The following CAPZB variants were observed in gnomAD, a reference collection of about 807,000 sequenced individuals.
The protein encoded by CAPZB is F-actin-capping protein subunit beta.
Under a neutral mutation model 38.1 loss-of-function variants are expected in CAPZB, and 2 were observed. That is an observed-to-expected ratio of 0.05 (90% CI 0.02 to 0.17). The LOEUF (loss-of-function observed/expected upper bound fraction) is 0.17. Ranked by LOEUF, CAPZB falls within the 10% of genes least tolerant of loss-of-function variation. The probability of loss-of-function intolerance (pLI) is 1.00; values close to 1 mark genes in which losing one functional copy is unlikely to be tolerated. For synonymous variants in CAPZB, 107 were observed against 127.4 expected, an observed-to-expected ratio of 0.84 and a Z score of 1.08; for missense variants, 161 against 334.2, an observed-to-expected ratio of 0.48 and a Z score of 4.04.
intron 1 of CAPZB, among the ~76,000 whole-genome samples, chr1:19,450,300 A>G (rs867247120): frequency 2.6e-5 from 4 of 152,154 alleles, no homozygotes; most frequent in African/African-American, 4.8e-5. Context: ...AATTTTTTCC[A>G]ATTTTGAAAT....
chr1:19,438,787 G>A (rs11586303), intron 1 of CAPZB, among the ~76,000 whole-genome samples: 32,787 of 152,192 alleles, frequency 0.22, 4,806 homozygotes, highest in African/African-American at 0.41. Flanking sequence ...GTGCAACGAA[G>A]GCAAGGACAC....
intron 2 of CAPZB, among the ~76,000 whole-genome samples, chr1:19,397,239 T>C (rs1226430990): frequency 6.6e-6 from 1 of 152,234 alleles, no homozygotes; most frequent in African/African-American, 2.4e-5. Flanking sequence ...AGTGAGGACT[T>C]ACTGAACTAT....
chr1:19,365,474 T>C (rs1449779545), intron 4 of CAPZB, among the ~76,000 whole-genome samples: 1 of 152,138 alleles, frequency 6.6e-6, no homozygotes, highest in Admixed American at 6.5e-5. Flanking sequence ...GTGGAGAAAC[T>C]GATGGTCCAC....
chr1:19,468,396 G>A (rs2094575246), intron 1 of CAPZB, among the ~76,000 whole-genome samples: 1 of 152,136 alleles, frequency 6.6e-6, no homozygotes, highest in Non-Finnish European at 1.5e-5. Flanking sequence ...ACTCAACCAA[G>A]CGCCATCCAC....
At chr1:19,403,813 C>A (rs1026427241) in intron 2 of CAPZB, among the ~76,000 whole-genome samples, 22 of 152,316 alleles carry the variant, frequency 1.4e-4, no homozygotes, top group African/African-American at 5.1e-4. Flanking sequence ...AAAAAAGTGA[C>A]CCCGCTTTGG....
At position 19,368,504 on chromosome 1, in the gene CAPZB, A is replaced by G. The variant is rs1316958783; in HGVS notation, c.329+10036T>C. Among the ~76,000 whole-genome samples the G allele has an allele frequency of 2.4e-3, 360 of 151,404 alleles. 1 individual carries two copies. Among genetic ancestry groups the G allele is most frequent in the African/African-American group, 7.4e-3 (306 of 41,336 alleles). ...TCCATTTTTTTTCTTGGAAAAAAAA[A>G]AAAAAAAAAACGGTGGAGAGAGTCC... On this transcript the variant is annotated intron_variant, in intron 4 of 8. Coordinates refer to ENST00000264202, the MANE Select transcript of CAPZB (RefSeq NM_004930.5).
At chr1:19,432,069 A>G (rs1212160695) in intron 1 of CAPZB, among the ~76,000 whole-genome samples, 2 of 151,446 alleles carry the variant, frequency 1.3e-5, no homozygotes, top group Non-Finnish European at 2.9e-5. Context: ...AAAAAAAGAA[A>G]AAAAAAGAAA....
At chr1:19,455,662 G>C (rs888290573) in intron 1 of CAPZB, among the ~76,000 whole-genome samples, 8 of 152,130 alleles carry the variant, frequency 5.3e-5, no homozygotes, top group Non-Finnish European at 1.2e-4. Flanking sequence ...TTTGCATCCT[G>C]CTTGATAAAA....
chr1:19,478,895 A>G (rs2094617153), intron 1 of CAPZB, among the ~76,000 whole-genome samples: 2 of 152,190 alleles, frequency 1.3e-5, no homozygotes, highest in Non-Finnish European at 2.9e-5. Flanking sequence ...GCTGGCTGGA[A>G]TATTAAAAAG....
At chr1:19,409,949 C>T (rs529451853) in intron 2 of CAPZB, among the ~76,000 whole-genome samples, 1 of 152,198 alleles carries the variant, frequency 6.6e-6, no homozygotes, top group African/African-American at 2.4e-5. Flanking sequence ...ATGAGAAATA[C>T]GCAATATGAC....
In CAPZB at chr1:19,339,575, C is replaced by G; in HGVS notation, c.774G>C (p.Leu258=). Residue 258 remains leucine (L), a synonymous_variant, in exon 9 of 9, where the codon CTG becomes CTC. Coordinates refer to ENST00000264202, the MANE Select transcript of CAPZB (RefSeq NM_004930.5). ...TCAAAGCCTCCACCAGGTCATTCTT[C>G]AGAGCTTCTTGTTTTGATTTGTCTG... ...TFADKSKQEA[L]KNDLVEALKR... 1 of 1,614,186 alleles carries G rather than the reference C, an allele frequency of 6.2e-7. No homozygotes were observed.
intron 1 of CAPZB, chr1:19,420,255 T>A (rs887416758): frequency 6.5e-6 from 1 of 153,020 alleles, no homozygotes; most frequent in African/African-American, 2.4e-5. Flanking sequence ...AAGTGCTTCA[T>A]TCATTCAATA....
chr1:19,433,643 C>T (rs1164637083), intron 1 of CAPZB, among the ~76,000 whole-genome samples: 1 of 152,188 alleles, frequency 6.6e-6, no homozygotes, highest in East Asian at 1.9e-4. Flanking sequence ...ACGAAGGCTC[C>T]ATCAATCCAA....
intron 1 of CAPZB, among the ~76,000 whole-genome samples, chr1:19,437,424 A>G (rs968113008): frequency 3.3e-5 from 5 of 152,198 alleles, no homozygotes; most frequent in African/African-American, 1.2e-4. Context: ...GTCCCAGGAG[A>G]CACACCTTCC....
At chr1:19,450,956 A>G (rs2094514085) in intron 1 of CAPZB, among the ~76,000 whole-genome samples, 1 of 152,226 alleles carries the variant, frequency 6.6e-6, no homozygotes. Context: ...ATTACTTGTA[A>G]GAATGATCTC....
chr1:19,440,727 G>C (rs2094473130), intron 1 of CAPZB, among the ~76,000 whole-genome samples: 1 of 152,202 alleles, frequency 6.6e-6, no homozygotes, highest in African/African-American at 2.4e-5. Flanking sequence ...AGTTCATCCT[G>C]AAGACAGACT....
At chr1:19,481,854 C>T (rs112705946) in intron 1 of CAPZB, among the ~76,000 whole-genome samples, 4,091 of 152,252 alleles carry the variant, frequency 0.027, 171 homozygotes, top group African/African-American at 0.092. Flanking sequence ...CTCTTTCCCC[C>T]TTAAGCTTTA....
chr1:19,471,582 C>T (rs1401819840), intron 1 of CAPZB, among the ~76,000 whole-genome samples: 2 of 97,584 alleles, frequency 2.0e-5, no homozygotes, highest in Non-Finnish European at 5.2e-5. Context: ...AATGCTTCCT[C>T]GGCTGGGCGC....
At chr1:19,410,173 T>C (rs2094351117) in intron 2 of CAPZB, among the ~76,000 whole-genome samples, 1 of 152,240 alleles carries the variant, frequency 6.6e-6, no homozygotes, top group Non-Finnish European at 1.5e-5. Context: ...CACTGCCTGC[T>C]TGCCTCTTAG....
Sources: gnomAD v4.1 joint callset for allele counts (sites outside exome capture counted in the v4.1 genomes callset) on GRCh38, gnomAD v4.1.1 for gene constraint, MANE v1.5 for transcripts, NCBI Gene and HGNC (gene_info 2026-07-23, HGNC 2026-07-21) for gene names.